The following BEND2 variants were observed in gnomAD, a reference collection of about 807,000 sequenced individuals.
BEND2 encodes BEN domain containing 2, also known as BEN domain-containing protein 2.
A neutral mutation model predicts 43.8 loss-of-function variants in BEND2; 19 were observed. The observed-to-expected ratio is 0.43, with a 90% CI of 0.30 to 0.64. BEND2 has a LOEUF of 0.64. BEND2 is among the 30% of genes least tolerant of loss of function. The pLI is 0.11. For missense variants in BEND2, 544 were observed against 574.0 expected, an observed-to-expected ratio of 0.95 and a Z score of 0.53; for synonymous variants, 226 against 210.1, an observed-to-expected ratio of 1.08 and a Z score of -0.66.
At chrX:18,183,769 G>A (rs1323874069) in intron 8 of BEND2, among the ~76,000 whole-genome samples, 2 of 112,079 alleles carry the variant, frequency 1.8e-5, no homozygotes, top group East Asian at 2.8e-4. Context: ...CACAAGGAGA[G>A]ACTTCTCTGC....
intron 6 of BEND2, 34 bp from the exon 7 acceptor site, chrX:18,195,476 A>G: frequency 8.8e-7 from 1 of 1,132,988 alleles, no homozygotes; most frequent in Non-Finnish European, 1.2e-6. Flanking sequence ...TCAATCATAA[A>G]TTCTACATGA....
chrX:18,176,008 C>G lies in BEND2; in HGVS notation c.1716G>C (p.Met572Ile). ...WQDCISGINS[M>I]IYCLCSEGKS... ...TGCCTTCAGAACATAAACAGTAGAT[C>G]ATAGAATTGATACCAGAAATACAGT... Residue 572 changes from methionine to isoleucine, a missense_variant, in exon 11 of 14, where the codon ATG (methionine) becomes ATC (isoleucine). Met to Ile is a conservative substitution (Grantham distance 10). Coordinates refer to ENST00000380033, the MANE Select transcript of BEND2 (RefSeq NM_153346.5). 8.4e-7 allele frequency: 1 copy of G among 1,196,842 alleles called. No homozygotes were observed. Among genetic ancestry groups the G allele is most frequent in the Non-Finnish European group, 1.1e-6 (1 of 886,231 alleles).
rs577018604 is a variant in BEND2, at chrX:18,195,311, T to C, written c.1165A>G (p.Ile389Val). The C allele has an allele frequency of 8.3e-7, 1 of 1,206,783 alleles. No homozygotes were observed. Among genetic ancestry groups the C allele is most frequent in the South Asian group, 1.8e-5 (1 of 55,527 alleles). ...TCAAACTCACCAAAATTAGAAGTGA[T>C]GGGAAGATATGAAGAGGCTGGATAT... is the stretch of plus-strand genomic sequence containing the variant. Reference protein sequence around the residue: ...APYPASSYLPITSNFESGPQM... With the variant: ...APYPASSYLPVTSNFESGPQM... Residue 389 changes from isoleucine to valine, a missense_variant, in exon 7 of 14, where the codon ATC (isoleucine) becomes GTC (valine). Transcript: ENST00000380033.
chrX:18,180,679 T>A, intron 8 of BEND2, 29 bp from the exon 9 acceptor site: 2 of 1,108,714 alleles, frequency 1.8e-6, no homozygotes, highest in Non-Finnish European at 2.5e-6. Context: ...CAACTGACAA[T>A]TCTATATCCA....
intron 4 of BEND2, among the ~76,000 whole-genome samples, chrX:18,209,735 C>CT (rs1925449391): frequency 9.0e-6 from 1 of 110,829 alleles, no homozygotes; most frequent in African/African-American, 3.3e-5. Flanking sequence ...CTAGAAGAGG[C>CT]TAAGGAGACA....
chrX:18,183,042 CAAAAAAAAAAAAA>C (rs56812732), intron 8 of BEND2, among the ~76,000 whole-genome samples: 10 of 40,791 alleles, frequency 2.5e-4, no homozygotes, highest in East Asian at 8.8e-4. Flanking sequence ...ACTCTGTCTC[CAAAAAAAAAAAAA>C]AAAAAAAAAA....
chrX:18,179,031 T>C (rs1301347687), intron 9 of BEND2, among the ~76,000 whole-genome samples: 1 of 111,272 alleles, frequency 9.0e-6, no homozygotes, highest in Non-Finnish European at 1.9e-5. Context: ...TTTATTATAC[T>C]TTCAGATAAA....
chrX:18,208,857 A>G (rs1925421910), intron 4 of BEND2, among the ~76,000 whole-genome samples: 1 of 111,681 alleles, frequency 9.0e-6, no homozygotes, highest in African/African-American at 3.3e-5. Flanking sequence ...CCTAGGATCA[A>G]TGACACAAGA....
At chrX:18,187,412 A>C (rs1924612931) in intron 8 of BEND2, among the ~76,000 whole-genome samples, 1 of 112,167 alleles carries the variant, frequency 8.9e-6, no homozygotes, top group African/African-American at 3.2e-5. Flanking sequence ...CCATCACATA[A>C]TGATTAAGGG....
At chrX:18,185,530 CAAAAATAAT>C (rs1924537054) in intron 8 of BEND2, among the ~76,000 whole-genome samples, 2 of 51,299 alleles carry the variant, frequency 3.9e-5, no homozygotes, top group African/African-American at 1.3e-4. Context: ...GACTCAGTCG[CAAAAATAAT>C]AATAATAATA....
intron 10 of BEND2, among the ~76,000 whole-genome samples, chrX:18,176,651 C>T (rs1013664787): frequency 9.1e-6 from 1 of 110,210 alleles, no homozygotes; most frequent in African/African-American, 3.3e-5. Context: ...TGCACTCCAG[C>T]CTGGGTGACA....
chrX:18,176,175 CT>C, intron 10 of BEND2, 82 bp from the exon 11 acceptor site: 1 of 900,797 alleles, frequency 1.1e-6, no homozygotes, highest in Non-Finnish European at 1.5e-6. Context: ...TAAACACTGA[CT>C]TTTAGATGGT....
At chrX:18,181,709 C>T (rs757802322) in intron 8 of BEND2, among the ~76,000 whole-genome samples, 8 of 111,492 alleles carry the variant, frequency 7.2e-5, no homozygotes, top group African/African-American at 1.3e-4. Context: ...AAGTCACATA[C>T]GTATACAGTA....
chrX:18,167,801 G>A (rs758282370), intron 13 of BEND2, among the ~76,000 whole-genome samples: 1 of 112,074 alleles, frequency 8.9e-6, no homozygotes, highest in East Asian at 2.8e-4. Flanking sequence ...CTGAGCTCAA[G>A]GCATCCTCCT....
At chrX:18,176,475 T>C (rs1163726327) in intron 10 of BEND2, among the ~76,000 whole-genome samples, 2 of 108,921 alleles carry the variant, frequency 1.8e-5, no homozygotes, top group African/African-American at 6.7e-5. Context: ...GATCAGGAGT[T>C]TGAGAACAGC....
chrX:18,182,772 G>C (rs1170776574), intron 8 of BEND2, among the ~76,000 whole-genome samples: 2 of 111,226 alleles, frequency 1.8e-5, no homozygotes, highest in African/African-American at 6.5e-5. Context: ...GGGCACGGGG[G>C]GCTTATGCCT....
At position 18,195,265 on chromosome X, in the gene BEND2, C is replaced by T. The variant is rs1172901468; in HGVS notation, c.1180+31G>A. ...ATGTTGATGAATCTAGATGAGAGGC[C>T]TGCTTGTGATATCCATTATTTCAAA... On this transcript the variant is annotated intron_variant, in intron 7 of 13. Transcript: ENST00000380033. 2.5e-6 allele frequency: 3 copies of T among 1,179,298 alleles called. No individual in the cohort carries two copies. In the Admixed American group the frequency reaches 7.3e-5, roughly 29 times the overall value.
At chrX:18,185,824 T>A (rs937766518) in intron 8 of BEND2, among the ~76,000 whole-genome samples, 2 of 110,099 alleles carry the variant, frequency 1.8e-5, no homozygotes, top group Non-Finnish European at 1.9e-5. Context: ...CATGACATAT[T>A]TAAAGTGCTG....
chrX:18,220,664 C>G, intron 1 of BEND2, 62 bp downstream of exon 1: 2 of 1,200,731 alleles, frequency 1.7e-6, no homozygotes, highest in Non-Finnish European at 2.3e-6. Context: ...TGGGTGCCAT[C>G]CAGACTCTTG....
Sources: gnomAD v4.1 joint callset for allele counts (sites outside exome capture counted in the v4.1 genomes callset) on GRCh38, gnomAD v4.1.1 for gene constraint, MANE v1.5 for transcripts, NCBI Gene and HGNC (gene_info 2026-07-23, HGNC 2026-07-21) for gene names.